The following RGS7BP variants were observed in gnomAD, a reference collection of about 807,000 sequenced individuals.
RGS7BP encodes the protein regulator of G protein signaling 7-binding protein.
A neutral mutation model predicts 31.3 loss-of-function variants in RGS7BP; 9 were observed. The ratio of observed to expected loss-of-function variants is 0.29; its 90% CI spans 0.17 to 0.50. The LOEUF (loss-of-function observed/expected upper bound fraction) is 0.50. Ranked by LOEUF, RGS7BP falls within the 20% of genes least tolerant of loss-of-function variation. The pLI, the probability that RGS7BP is intolerant of heterozygous loss-of-function variation, is 0.98. For missense variants in RGS7BP, 274 were observed against 322.0 expected (o/e 0.85, Z 1.14); for synonymous variants, 115 against 120.1 (o/e 0.96, Z 0.28).
intron 2 of RGS7BP, among the ~76,000 whole-genome samples, chr5:64,574,704 G>A (rs918913384): frequency 6.6e-5 from 10 of 152,308 alleles, no homozygotes; most frequent in Middle Eastern, 6.8e-3. Context: ...ATTGTAATGT[G>A]CTGTGTACAC....
At chr5:64,539,258 A>G (rs562687583) in intron 2 of RGS7BP, among the ~76,000 whole-genome samples, 1 of 152,072 alleles carries the variant, frequency 6.6e-6, no homozygotes, top group Admixed American at 6.5e-5. Flanking sequence ...AGTTCTTTAT[A>G]TATTCTGGAT....
At chr5:64,543,677 G>T (rs1741581391) in intron 2 of RGS7BP, among the ~76,000 whole-genome samples, 1 of 152,204 alleles carries the variant, frequency 6.6e-6, no homozygotes, top group Non-Finnish European at 1.5e-5. Flanking sequence ...GGATAGGGTG[G>T]CAGGGTCATG....
chr5:64,528,759 C>T (rs982461641), intron 2 of RGS7BP, among the ~76,000 whole-genome samples: 1 of 133,530 alleles, frequency 7.5e-6, no homozygotes, highest in Non-Finnish European at 1.5e-5. Context: ...TGCAGTGAGC[C>T]AAGATTGCAC....
At chr5:64,514,733 T>G (rs76233608) in intron 2 of RGS7BP, among the ~76,000 whole-genome samples, 2 of 152,278 alleles carry the variant, frequency 1.3e-5, no homozygotes, top group East Asian at 3.9e-4. Flanking sequence ...TCACTTTCCC[T>G]GGTGTGCATG....
At chr5:64,546,835 T>C (rs1741670713) in intron 2 of RGS7BP, among the ~76,000 whole-genome samples, 1 of 152,236 alleles carries the variant, frequency 6.6e-6, no homozygotes, top group African/African-American at 2.4e-5. Context: ...AGTTCATTTA[T>C]TTCCTACATA....
chr5:64,590,531 A>T (rs1429524334), intron 3 of RGS7BP, among the ~76,000 whole-genome samples: 3 of 152,188 alleles, frequency 2.0e-5, no homozygotes, highest in Non-Finnish European at 4.4e-5. Flanking sequence ...TGAATTATCA[A>T]AATTAATGTA....
chr5:64,586,030 C>A (rs1028035995), intron 3 of RGS7BP, among the ~76,000 whole-genome samples: 1 of 152,148 alleles, frequency 6.6e-6, no homozygotes, highest in African/African-American at 2.4e-5. Context: ...AAATGTACAA[C>A]AACTCCCTTG....
At chr5:64,516,665 A>G (rs78999271) in intron 2 of RGS7BP, among the ~76,000 whole-genome samples, 3,906 of 152,304 alleles carry the variant, frequency 0.026, 68 homozygotes, top group Non-Finnish European at 0.038. Flanking sequence ...GGACCTGAAG[A>G]ACCAAAACCT....
At chr5:64,605,028 T>A (rs192545795) in intron 5 of RGS7BP, among the ~76,000 whole-genome samples, 327 of 152,126 alleles carry the variant, frequency 2.1e-3, no homozygotes, top group South Asian at 6.9e-3. Flanking sequence ...AAATTTTTTT[T>A]AAAAATCTAA....
At chr5:64,517,631 A>G (rs1247716084) in intron 2 of RGS7BP, among the ~76,000 whole-genome samples, 1 of 152,222 alleles carries the variant, frequency 6.6e-6, no homozygotes, top group Non-Finnish European at 1.5e-5. Flanking sequence ...GCACCTCATT[A>G]TAGTCCACCA....
intron 5 of RGS7BP, among the ~76,000 whole-genome samples, chr5:64,606,047 G>T (rs1580476022): frequency 6.8e-6 from 1 of 147,350 alleles, no homozygotes; most frequent in African/African-American, 2.5e-5. Flanking sequence ...TATAGAGAGA[G>T]AGAGAGAGAG....
chr5:64,584,640 T>C (rs1325995579), intron 3 of RGS7BP, among the ~76,000 whole-genome samples: 1 of 152,196 alleles, frequency 6.6e-6, no homozygotes, highest in Non-Finnish European at 1.5e-5. Flanking sequence ...TACTTGGCAC[T>C]ACCATGAAGG....
intron 3 of RGS7BP, among the ~76,000 whole-genome samples, chr5:64,593,157 G>A (rs992131528): frequency 2.6e-5 from 4 of 152,190 alleles, no homozygotes; most frequent in Admixed American, 2.6e-4. Context: ...ATGAGTCAAT[G>A]TGTGCATGTG....
chr5:64,528,256 T>C (rs189207246), intron 2 of RGS7BP, among the ~76,000 whole-genome samples: 60 of 152,106 alleles, frequency 3.9e-4, no homozygotes, highest in Admixed American at 1.1e-3. Flanking sequence ...GAAGCAGAAG[T>C]GAGAAAGTCA....
chr5:64,603,640 A>C (rs1463069094), intron 5 of RGS7BP, among the ~76,000 whole-genome samples: 1 of 152,204 alleles, frequency 6.6e-6, no homozygotes, highest in Non-Finnish European at 1.5e-5. Flanking sequence ...GTTAAATACG[A>C]ATTGGAAGTG....
chr5:64,609,187 C>T lies in RGS7BP; in HGVS notation c.709C>T (p.Pro237Ser). 6.2e-7 allele frequency: 1 copy of T among 1,611,166 alleles called. No individual in the cohort carries two copies. The highest frequency in any genetic ancestry group is 8.5e-7 in the Non-Finnish European group (1 of 1,177,606). Reference protein sequence around the residue: ...QDDSSLLNLTPYPLVRRRKRR... With the variant: ...QDDSSLLNLTSYPLVRRRKRR... Reference sequence around the variant, plus strand: ...TGACAGCAGCCTTCTGAATCTAACTCCCTACCCCCTGGTGAGAAGACGGAA... The same window carrying T: ...TGACAGCAGCCTTCTGAATCTAACTTCCTACCCCCTGGTGAGAAGACGGAA... The change falls in exon 6 of 6, where the codon CCC becomes TCC. Residue 237 changes from proline to serine, a missense_variant. Transcript: ENST00000334025.
intron 2 of RGS7BP, among the ~76,000 whole-genome samples, chr5:64,559,194 C>A (rs1741994367): frequency 6.6e-6 from 1 of 152,162 alleles, no homozygotes. Context: ...ATCACAGAAC[C>A]TGCTGACATG....
At chr5:64,577,949 C>T (rs1742481235) in intron 3 of RGS7BP, among the ~76,000 whole-genome samples, 1 of 152,170 alleles carries the variant, frequency 6.6e-6, no homozygotes, top group African/African-American at 2.4e-5. Context: ...ATCTCTACTC[C>T]TAGTCCTGCT....
chr5:64,609,342 T>A lies in RGS7BP; in HGVS notation c.*90T>A, dbSNP rs566136973. 21 of 767,926 alleles carry A rather than the reference T, an allele frequency of 2.7e-5. No individual in the cohort carries two copies. The highest frequency in any genetic ancestry group is 4.5e-5 in the Non-Finnish European group (19 of 423,042). The allele number at this position is 767,926 out of a possible 1,614,324, so 47.6% of individuals were successfully genotyped here. On this transcript the variant is annotated 3_prime_UTR_variant, in exon 6 of 6. Transcript: ENST00000334025. The stretch of plus-strand genomic sequence containing the variant: ...GACAGCTGAACCACACAGTTATTGG[T>A]TTTTGACTATGTTTTCTATGCTTCC...
Sources: allele counts gnomAD v4.1 joint callset (sites outside exome capture counted in the v4.1 genomes callset), GRCh38; gene constraint gnomAD v4.1.1; transcripts MANE v1.5; gene names NCBI Gene and HGNC (gene_info 2026-07-23, HGNC 2026-07-21).